Variants in HIVEP3 observed in about 807,000 individuals in gnomAD.
HIVEP3 encodes HIVEP zinc finger 3, also known as transcription factor HIVEP3.
In HIVEP3, 49 loss-of-function variants were observed where a neutral mutation model predicts 152.8. The ratio of observed to expected loss-of-function variants is 0.32; its 90% CI spans 0.26 to 0.41. The LOEUF (loss-of-function observed/expected upper bound fraction) is 0.41, where lower values mean the gene tolerates loss of function less well. Ranked by LOEUF, HIVEP3 falls within the 10% of genes least tolerant of loss-of-function variation. The pLI is 1.00. For missense variants in HIVEP3, 2,790 were observed against 3,103.3 expected, an observed-to-expected ratio of 0.90 and a Z score of 2.40; for synonymous variants, 1,269 against 1,289.0, an observed-to-expected ratio of 0.98 and a Z score of 0.33.
chr1:41,798,137 C>T (rs571475615), intron 1 of HIVEP3, among the ~76,000 whole-genome samples: 5 of 152,022 alleles, frequency 3.3e-5, no homozygotes, highest in Admixed American at 3.3e-4. Context: ...CGGGGCCTGT[C>T]GTGGGGTGCG....
At chr1:41,607,791 T>A (rs2149129964) in intron 3 of HIVEP3, among the ~76,000 whole-genome samples, 1 of 152,344 alleles carries the variant, frequency 6.6e-6, no homozygotes, top group East Asian at 1.9e-4. Context: ...ACAGTTTATT[T>A]CTGTCTTATG....
intron 3 of HIVEP3, among the ~76,000 whole-genome samples, chr1:41,590,615 C>T (rs1006297280): frequency 1.3e-5 from 2 of 152,212 alleles, no homozygotes; most frequent in Non-Finnish European, 2.9e-5. Flanking sequence ...CATCTTTGAG[C>T]TTGTTACTTG....
chr1:41,943,153 G>A (rs1645056552), intron 1 of HIVEP3, among the ~76,000 whole-genome samples: 1 of 152,014 alleles, frequency 6.6e-6, no homozygotes. Context: ...TGATCCACCT[G>A]CCTCGGCCTC....
chr1:41,709,084 A>G (rs1646476101), intron 1 of HIVEP3, among the ~76,000 whole-genome samples: 1 of 152,174 alleles, frequency 6.6e-6, no homozygotes, highest in Non-Finnish European at 1.5e-5. Context: ...CTACCACCAC[A>G]TGGCATATGG....
Position 41,806,847 on chromosome 1 carries a change from GA to G in HIVEP3, c.-800-105853del, listed in dbSNP as rs908030434. On this transcript the variant is annotated intron_variant, in intron 1 of 8. Transcript: ENST00000372583. ...TCAACATCTTCCCTGCTTTACCCAA[GA>G]GAGGTCAAGACGACAGGACTGAGAG... Among the ~76,000 whole-genome samples the G allele has an allele frequency of 2.6e-5, 4 of 152,146 alleles. No homozygotes were observed. The East Asian group carries it at 7.7e-4, about 29-fold the overall frequency.
At chr1:41,839,937 G>A (rs922726821) in intron 1 of HIVEP3, among the ~76,000 whole-genome samples, 1 of 152,150 alleles carries the variant, frequency 6.6e-6, no homozygotes, top group Non-Finnish European at 1.5e-5. Flanking sequence ...CACTAGTCCT[G>A]TGTGACTATT....
intron 2 of HIVEP3, among the ~76,000 whole-genome samples, chr1:41,653,978 A>C (rs1645592610): frequency 6.6e-6 from 1 of 151,364 alleles, no homozygotes; most frequent in South Asian, 2.1e-4. Context: ...AAAAAAAAAA[A>C]AAAACCAGAT....
chr1:41,868,161 T>C (rs1394371398), intron 1 of HIVEP3, among the ~76,000 whole-genome samples: 1 of 150,842 alleles, frequency 6.6e-6, no homozygotes, highest in Non-Finnish European at 1.5e-5. Context: ...CTCTTAGCCA[T>C]GAACACCATC....
At chr1:42,029,978 C>A (rs766686556) in intron 1 of HIVEP3, among the ~76,000 whole-genome samples, 5 of 152,218 alleles carry the variant, frequency 3.3e-5, no homozygotes, top group Non-Finnish European at 7.3e-5. Flanking sequence ...GTCTTCCATA[C>A]ACTGATGAAT....
At chr1:41,774,636 T>C (rs561204448) in intron 1 of HIVEP3, among the ~76,000 whole-genome samples, 3 of 152,312 alleles carry the variant, frequency 2.0e-5, no homozygotes, top group South Asian at 2.1e-4. Context: ...AAATCACATC[T>C]TTCCCAATAA....
chr1:41,913,143 C>A (rs1483476053), intron 1 of HIVEP3, among the ~76,000 whole-genome samples: 1 of 152,166 alleles, frequency 6.6e-6, no homozygotes, highest in African/African-American at 2.4e-5. Flanking sequence ...TCCTTGAGTG[C>A]AAATTGAAAA....
chr1:41,522,717 G>A (rs529779035), intron 6 of HIVEP3, among the ~76,000 whole-genome samples: 4 of 152,228 alleles, frequency 2.6e-5, no homozygotes, highest in Non-Finnish European at 4.4e-5. Context: ...TAGAAAGTAC[G>A]GGCTCCTGCT....
intron 1 of HIVEP3, among the ~76,000 whole-genome samples, chr1:41,752,652 G>C (rs1185154746): frequency 1.3e-5 from 2 of 152,208 alleles, no homozygotes; most frequent in Non-Finnish European, 2.9e-5. Flanking sequence ...CCCTGGGCCT[G>C]TCCCAGACCG....
intron 3 of HIVEP3, among the ~76,000 whole-genome samples, chr1:41,608,936 T>C (rs1304084740): frequency 9.7e-6 from 1 of 103,212 alleles, no homozygotes; most frequent in Non-Finnish European, 1.9e-5. Flanking sequence ...AAAAAAAAAA[T>C]AGCCAGGTGT....
In HIVEP3 at chr1:41,580,993, C is replaced by G. The variant is rs1161134731; in HGVS notation, c.3805G>C (p.Ala1269Pro). 6.4e-7 allele frequency: 1 copy of G among 1,573,256 alleles called. No homozygotes were observed. The highest frequency in any genetic ancestry group is 8.6e-7 in the Non-Finnish European group (1 of 1,158,690). Residue 1269 changes from alanine (A) to proline (P), a missense_variant, in exon 4 of 9, where the codon GCA becomes CCA. Ala to Pro is a conservative substitution (Grantham distance 27). Transcript: ENST00000372583. Reference sequence around the variant, plus strand: ...GGGGAGAGGCCAGCACTTCCTGTTGCCAGTGGGGCCAGGCTGGTTTTGATC... The same window carrying G: ...GGGGAGAGGCCAGCACTTCCTGTTGGCAGTGGGGCCAGGCTGGTTTTGATC... ...PQIKTSLAPLATGSAGLSPST... is the reference protein window; with the variant it reads ...PQIKTSLAPLPTGSAGLSPST...
At chr1:42,017,778 C>T (rs1645532309) in intron 1 of HIVEP3, among the ~76,000 whole-genome samples, 1 of 152,002 alleles carries the variant, frequency 6.6e-6, no homozygotes. Flanking sequence ...TTGTCATATA[C>T]CTAGGAGTGG....
At chr1:41,628,394 T>G (rs1466789111) in intron 3 of HIVEP3, among the ~76,000 whole-genome samples, 1 of 152,126 alleles carries the variant, frequency 6.6e-6, no homozygotes, top group African/African-American at 2.4e-5. Context: ...GAGCACACAG[T>G]TGGACTGGCT....
rs1213479837 is a variant in HIVEP3 at position 41,662,910 on chromosome 1, A to G, written c.-720-33963T>C. On this transcript the variant is annotated intron_variant, in intron 2 of 8. Coordinates refer to ENST00000372583, the MANE Select transcript of HIVEP3 (RefSeq NM_024503.5). This position sits in a 1 kb window ranked among gnomAD's most constrained non-coding sequence, Gnocchi z 7.2. ...CCTGGGTGCCAGCCGGGCTCCGGGA[A>G]GCCCGCGCCTCCCCAGGCGGGAATC... is the stretch of plus-strand genomic sequence containing the variant. Among the ~76,000 whole-genome samples the G allele has an allele frequency of 2.0e-5, 3 of 151,124 alleles. No homozygotes were observed. Among genetic ancestry groups the G allele is most frequent in the Non-Finnish European group, 3.0e-5 (2 of 67,696 alleles).
chr1:41,675,621 T>G (rs1181926410), intron 2 of HIVEP3, among the ~76,000 whole-genome samples: 1 of 152,208 alleles, frequency 6.6e-6, no homozygotes, highest in Non-Finnish European at 1.5e-5. Context: ...ACATGGATTG[T>G]TTCTCAATGC....
Sources: allele counts gnomAD v4.1 joint callset (sites outside exome capture counted in the v4.1 genomes callset), GRCh38; gene constraint gnomAD v4.1.1; non-coding constraint Gnocchi (gnomAD v3.1); transcripts MANE v1.5; gene names NCBI Gene and HGNC (gene_info 2026-07-23, HGNC 2026-07-21).